GTF2F2: variants seen among roughly 807,000 people sequenced by gnomAD.
GTF2F2 encodes general transcription factor IIF subunit 2, also known as ATP-dependent helicase GTF2F2.
In GTF2F2, 23 loss-of-function variants were observed where a neutral mutation model predicts 42.2. That is an observed-to-expected ratio of 0.55 (90% CI 0.39 to 0.77). GTF2F2 has a LOEUF of 0.77. GTF2F2 is among the 30% of genes least tolerant of loss of function. The pLI, the probability that GTF2F2 is intolerant of heterozygous loss-of-function variation, is 0.00. For synonymous variants in GTF2F2, 105 were observed against 100.8 expected, an observed-to-expected ratio of 1.04 and a Z score of -0.25; for missense variants, 261 against 287.2, an observed-to-expected ratio of 0.91 and a Z score of 0.66.
chr13:45,128,158 C>T (rs941460404), intron 1 of GTF2F2, among the ~76,000 whole-genome samples: 4 of 145,966 alleles, frequency 2.7e-5, no homozygotes, highest in African/African-American at 1.0e-4. Flanking sequence ...GATGGGGTTT[C>T]ACCATGTTAG....
At chr13:45,193,626 T>C (rs1872742137) in intron 4 of GTF2F2, 1 of 625,406 alleles carries the variant, frequency 1.6e-6, no homozygotes, top group South Asian at 2.5e-5. Flanking sequence ...AAGGACATCT[T>C]TAGCGATAGA....
chr13:45,131,350 C>T (rs996679336), intron 1 of GTF2F2, among the ~76,000 whole-genome samples: 5 of 151,926 alleles, frequency 3.3e-5, no homozygotes, highest in African/African-American at 9.7e-5. Flanking sequence ...AGGGAGAAAT[C>T]GAGAGAGTGT....
chr13:45,126,769 C>T (rs1016383210), intron 1 of GTF2F2, among the ~76,000 whole-genome samples: 1 of 152,218 alleles, frequency 6.6e-6, no homozygotes, highest in African/African-American at 2.4e-5. Context: ...GAGAAGGACA[C>T]TGAAGCAAGG....
At chr13:45,187,162 G>A (rs545702055) in intron 4 of GTF2F2, among the ~76,000 whole-genome samples, 12 of 152,242 alleles carry the variant, frequency 7.9e-5, no homozygotes, top group African/African-American at 2.6e-4. Context: ...GACCAAGGCA[G>A]GAGGATTGCT....
intron 5 of GTF2F2, among the ~76,000 whole-genome samples, chr13:45,234,655 A>G (rs1185586699): frequency 1.3e-5 from 2 of 152,232 alleles, no homozygotes; most frequent in African/African-American, 2.4e-5. Flanking sequence ...CATGTTGGCC[A>G]GGTAACTTAA....
chr13:45,124,045 C>T, intron 1 of GTF2F2: 1 of 1,142,144 alleles, frequency 8.8e-7, no homozygotes, highest in Non-Finnish European at 1.3e-6. Flanking sequence ...CCATGAGGTC[C>T]CCCACCCTGT....
At chr13:45,125,553 C>T (rs911858812) in intron 1 of GTF2F2, among the ~76,000 whole-genome samples, 1 of 152,190 alleles carries the variant, frequency 6.6e-6, no homozygotes, top group South Asian at 2.1e-4. Flanking sequence ...CTCTTGACCT[C>T]GTTCGTGATC....
At chr13:45,184,143 A>G (rs1026764844) in intron 4 of GTF2F2, among the ~76,000 whole-genome samples, 1 of 152,030 alleles carries the variant, frequency 6.6e-6, no homozygotes, top group African/African-American at 2.4e-5. Flanking sequence ...CTGGCCTCTT[A>G]TTCTTTTGGC....
At chr13:45,262,082 A>G (rs1876364797) in intron 6 of GTF2F2, among the ~76,000 whole-genome samples, 1 of 152,186 alleles carries the variant, frequency 6.6e-6, no homozygotes, top group Admixed American at 6.5e-5. Context: ...AAAAAAAAAA[A>G]TTTAACTGGC....
At chr13:45,165,576 C>T (rs979382889) in intron 4 of GTF2F2, among the ~76,000 whole-genome samples, 7 of 150,262 alleles carry the variant, frequency 4.7e-5, no homozygotes, top group Non-Finnish European at 4.4e-5. Context: ...CGCCCCCCCC[C>T]GCCGCCCGCT....
intron 4 of GTF2F2, among the ~76,000 whole-genome samples, chr13:45,171,503 C>T (rs1200779516): frequency 6.6e-6 from 1 of 152,152 alleles, no homozygotes; most frequent in Non-Finnish European, 1.5e-5. Flanking sequence ...CCTATTGAAA[C>T]ACTTTAGAGT....
chr13:45,248,403 T>C (rs1159679122), intron 5 of GTF2F2, among the ~76,000 whole-genome samples: 1 of 152,150 alleles, frequency 6.6e-6, no homozygotes, highest in Non-Finnish European at 1.5e-5. Context: ...ACCAAGTTTT[T>C]TTTGTGTTTT....
chr13:45,163,458 C>T (rs1871128528), intron 4 of GTF2F2, among the ~76,000 whole-genome samples: 1 of 152,082 alleles, frequency 6.6e-6, no homozygotes, highest in East Asian at 1.9e-4. Context: ...ATTGCTTGAA[C>T]CCAGGAGGCG....
At chr13:45,179,857 A>G (rs539213713) in intron 4 of GTF2F2, among the ~76,000 whole-genome samples, 6 of 152,256 alleles carry the variant, frequency 3.9e-5, no homozygotes, top group Non-Finnish European at 8.8e-5. Flanking sequence ...ACTCGAAATA[A>G]CAGATGAAAA....
intron 4 of GTF2F2, among the ~76,000 whole-genome samples, chr13:45,182,018 C>T (rs771081764): frequency 5.3e-5 from 8 of 152,142 alleles, no homozygotes; most frequent in Non-Finnish European, 1.0e-4. Flanking sequence ...AAGCTTTAGA[C>T]TCCTCCCTCT....
intron 4 of GTF2F2, among the ~76,000 whole-genome samples, chr13:45,186,120 A>G (rs555007323): frequency 2.0e-5 from 3 of 149,594 alleles, no homozygotes; most frequent in African/African-American, 7.4e-5. Context: ...GATTACAGGC[A>G]TGCGCCACCA....
intron 6 of GTF2F2, among the ~76,000 whole-genome samples, chr13:45,254,370 A>T (rs558964813): frequency 4.1e-4 from 62 of 152,302 alleles, no homozygotes; most frequent in Middle Eastern, 3.4e-3. Flanking sequence ...CAATAAGGGG[A>T]AAGTATTGTA....
intron 4 of GTF2F2, among the ~76,000 whole-genome samples, chr13:45,185,227 T>C (rs758509167): frequency 6.6e-6 from 1 of 152,172 alleles, no homozygotes; most frequent in Non-Finnish European, 1.5e-5. Flanking sequence ...TCTTCTGTCT[T>C]ATTAAGGACA....
chr13:45,136,653 A>C, intron 1 of GTF2F2, 80 bp from the exon 2 acceptor site: 2 of 756,832 alleles, frequency 2.6e-6, no homozygotes, highest in Non-Finnish European at 4.5e-6. Context: ...AGAAAATAAA[A>C]ATAGAAGCAA....
Sources: allele counts gnomAD v4.1 joint callset (sites outside exome capture counted in the v4.1 genomes callset), GRCh38; gene constraint gnomAD v4.1.1; transcripts MANE v1.5; gene names NCBI Gene and HGNC (gene_info 2026-07-23, HGNC 2026-07-21).